PRKG1: variants seen among roughly 807,000 people sequenced by gnomAD.
The protein encoded by PRKG1 is protein kinase cGMP-dependent 1.
In PRKG1, 35 loss-of-function variants were observed where a neutral mutation model predicts 88.1. That is an observed-to-expected ratio of 0.40 (90% CI 0.30 to 0.53). The LOEUF (loss-of-function observed/expected upper bound fraction) is 0.53, where lower values mean the gene tolerates loss of function less well. PRKG1 is among the 20% of genes least tolerant of loss of function. The probability of loss-of-function intolerance (pLI) is 0.59; values close to 1 mark genes in which losing one functional copy is unlikely to be tolerated. For synonymous variants in PRKG1, 303 were observed against 292.5 expected (o/e 1.04, Z -0.37); for missense variants, 540 against 839.8 (o/e 0.64, Z 4.41).
At chr10:51,954,884 T>C (rs1843266876) in intron 5 of PRKG1, among the ~76,000 whole-genome samples, 1 of 152,166 alleles carries the variant, frequency 6.6e-6, no homozygotes, top group South Asian at 2.1e-4. Flanking sequence ...CTCCCAACCA[T>C]GTACCTACCT....
At chr10:51,618,935 A>ATTTTT (rs3086927) in intron 3 of PRKG1, among the ~76,000 whole-genome samples, 1 of 123,574 alleles carries the variant, frequency 8.1e-6, no homozygotes. Flanking sequence ...CACCCAGCTA[A>ATTTTT]TTTTTTTTTT....
intron 9 of PRKG1, among the ~76,000 whole-genome samples, chr10:52,182,770 C>T (rs1293013947): frequency 6.7e-6 from 1 of 150,314 alleles, no homozygotes; most frequent in Non-Finnish European, 1.5e-5. Flanking sequence ...TTTCTGAGGG[C>T]TCTGTTCTGT....
intron 10 of PRKG1, 143 bp downstream of exon 10, chr10:52,251,809 C>T (rs1039714255): frequency 1.5e-5 from 10 of 679,138 alleles, no homozygotes; most frequent in Admixed American, 6.1e-5. Context: ...AAATACTTTG[C>T]GGCAGACATG....
chr10:51,611,952 T>C (rs185138459), intron 3 of PRKG1, among the ~76,000 whole-genome samples: 4 of 152,148 alleles, frequency 2.6e-5, no homozygotes, highest in Admixed American at 2.6e-4. Flanking sequence ...GCTATAAATA[T>C]ATCGATTTAT....
At position 51,074,898 on chromosome 10, in the gene PRKG1, C is replaced by T; in HGVS notation, c.308C>T (p.Pro103Leu). The change falls in exon 1 of 18, where the codon CCA (proline) becomes CTA (leucine). Residue 103 changes from proline (P) to leucine (L), a missense_variant. Coordinates refer to ENST00000373980, the MANE Select transcript of PRKG1 (RefSeq NM_006258.4). ...HVTLPFYPKSPQSKDLIKEAI... is the reference protein window; with the variant it reads ...HVTLPFYPKSLQSKDLIKEAI... Reference sequence around the variant, plus strand: ...ACCCTGCCCTTCTACCCCAAGAGCCCACAGTAAGCAGGGGTGACGCGCCGG... The same window carrying T: ...ACCCTGCCCTTCTACCCCAAGAGCCTACAGTAAGCAGGGGTGACGCGCCGG... The T allele has an allele frequency of 3.1e-6, 5 of 1,603,606 alleles. No homozygotes were observed. Among genetic ancestry groups the T allele is most frequent in the Non-Finnish European group, 4.3e-6 (5 of 1,172,748 alleles).
intron 9 of PRKG1, among the ~76,000 whole-genome samples, chr10:52,239,607 C>T (rs1382323131): frequency 6.9e-6 from 1 of 145,456 alleles, no homozygotes; most frequent in East Asian, 2.1e-4. Flanking sequence ...CAATTATTTA[C>T]CAACAATTAA....
At chr10:51,750,699 G>C (rs150953662) in intron 3 of PRKG1, among the ~76,000 whole-genome samples, 1 of 152,128 alleles carries the variant, frequency 6.6e-6, no homozygotes, top group African/African-American at 2.4e-5. Flanking sequence ...GCACTGAATG[G>C]CACTTCTAAG....
At chr10:51,657,351 C>A (rs530394801) in intron 3 of PRKG1, among the ~76,000 whole-genome samples, 1 of 152,194 alleles carries the variant, frequency 6.6e-6, no homozygotes, top group Non-Finnish European at 1.5e-5. Context: ...TGATAAAAAT[C>A]ATTTTGTTTT....
At chr10:52,065,780 T>A (rs1398271688) in intron 7 of PRKG1, among the ~76,000 whole-genome samples, 6 of 152,214 alleles carry the variant, frequency 3.9e-5, no homozygotes, top group Non-Finnish European at 8.8e-5. Context: ...ATCATCTGTA[T>A]CTTAATCTTG....
chr10:51,880,265 A>AAG (rs1401371145), intron 4 of PRKG1, among the ~76,000 whole-genome samples: 1 of 152,014 alleles, frequency 6.6e-6, no homozygotes, highest in Non-Finnish European at 1.5e-5. Flanking sequence ...AGCTAAAAAA[A>AAG]AAAAAGATTA....
chr10:51,193,012 T>G (rs756021684), intron 2 of PRKG1, among the ~76,000 whole-genome samples: 8 of 152,038 alleles, frequency 5.3e-5, no homozygotes, highest in Non-Finnish European at 1.2e-4. Context: ...AGAATAAAGC[T>G]AAAGTCAGGG....
chr10:51,124,328 T>A (rs1400238601), intron 1 of PRKG1, among the ~76,000 whole-genome samples: 1 of 152,314 alleles, frequency 6.6e-6, no homozygotes, highest in African/African-American at 2.4e-5. Context: ...TTATTGATGA[T>A]GTTATTTCAA....
At chr10:51,931,635 A>G (rs1842697942) in intron 5 of PRKG1, among the ~76,000 whole-genome samples, 1 of 152,136 alleles carries the variant, frequency 6.6e-6, no homozygotes, top group Admixed American at 6.6e-5. Flanking sequence ...TCATGTGGGT[A>G]ATACACCATT....
intron 2 of PRKG1, among the ~76,000 whole-genome samples, chr10:51,169,390 A>C (rs1208947635): frequency 6.6e-6 from 1 of 152,154 alleles, no homozygotes; most frequent in Non-Finnish European, 1.5e-5. Context: ...CATTTTGCAA[A>C]GAGCTTTTTC....
intron 7 of PRKG1, among the ~76,000 whole-genome samples, chr10:52,105,304 T>C (rs1847389649): frequency 6.6e-6 from 1 of 152,192 alleles, no homozygotes; most frequent in Admixed American, 6.5e-5. Context: ...TGTTATAGTT[T>C]TTAGGTCGCT....
chr10:52,034,842 G>A (rs1250363140), intron 5 of PRKG1, among the ~76,000 whole-genome samples: 1 of 152,186 alleles, frequency 6.6e-6, no homozygotes, highest in Admixed American at 6.5e-5. Flanking sequence ...TAATAAAAAG[G>A]AGTGTCTATA....
chr10:51,371,417 T>C (rs1316969229), intron 2 of PRKG1, among the ~76,000 whole-genome samples: 1 of 151,662 alleles, frequency 6.6e-6, no homozygotes, highest in Non-Finnish European at 1.5e-5. Context: ...AATTACTCTG[T>C]GTGTGTGTGA....
At chr10:51,356,827 C>T (rs894833471) in intron 2 of PRKG1, among the ~76,000 whole-genome samples, 5 of 151,984 alleles carry the variant, frequency 3.3e-5, no homozygotes, top group African/African-American at 1.2e-4. Flanking sequence ...TGCCTGACTC[C>T]CATTGCACCA....
At chr10:51,820,969 A>G (rs1450059906) in intron 4 of PRKG1, among the ~76,000 whole-genome samples, 3 of 152,164 alleles carry the variant, frequency 2.0e-5, no homozygotes, top group Admixed American at 6.5e-5. Context: ...AATACAGGAC[A>G]TTTCCACTTC....
Sources: allele counts gnomAD v4.1 joint callset (sites outside exome capture counted in the v4.1 genomes callset), GRCh38; gene constraint gnomAD v4.1.1; transcripts MANE v1.5; gene names NCBI Gene and HGNC (gene_info 2026-07-23, HGNC 2026-07-21).